The following DENND4C variants were observed in gnomAD, a reference collection of about 807,000 sequenced individuals.
DENND4C encodes the protein DENN domain-containing protein 4C.
A neutral mutation model predicts 203.0 loss-of-function variants in DENND4C; 108 were observed. That is an observed-to-expected ratio of 0.53 (90% CI 0.46 to 0.62). The LOEUF (loss-of-function observed/expected upper bound fraction) is 0.62. Among genes scored for constraint, DENND4C ranks in the 20% least tolerant of loss-of-function variants. The probability of loss-of-function intolerance (pLI) is 0.00; values close to 1 mark genes in which losing one functional copy is unlikely to be tolerated. For missense variants in DENND4C, 2,481 were observed against 2,301.2 expected (o/e 1.08, Z -1.60); for synonymous variants, 871 against 792.4 (o/e 1.10, Z -1.67).
At chr9:19,320,395 AGCCATGTTGGCCAG>A (rs1434478859) in intron 12 of DENND4C, among the ~76,000 whole-genome samples, 2 of 151,998 alleles carry the variant, frequency 1.3e-5, no homozygotes, top group Admixed American at 1.3e-4. Flanking sequence ...GATGAGGTTT[AGCCATGTTGGCCAG>A]ACTGGTCTCG....
chr9:19,323,386 C>T (rs1055172591), intron 12 of DENND4C, among the ~76,000 whole-genome samples: 27 of 148,676 alleles, frequency 1.8e-4, no homozygotes, highest in African/African-American at 6.5e-4. Flanking sequence ...GCCAAGATCA[C>T]ATTACTGCAC....
chr9:19,355,181 ATTACAG>A (rs1171928164), intron 26 of DENND4C, among the ~76,000 whole-genome samples: 1 of 152,114 alleles, frequency 6.6e-6, no homozygotes, highest in Non-Finnish European at 1.5e-5. Context: ...AAGTGCCGGG[ATTACAG>A]GCGTCAGCCA....
Position 19,286,802 on chromosome 9 carries a change from A to G in DENND4C, c.339A>G (p.Pro113=), listed in dbSNP as rs969626991. 4.1e-6 allele frequency: 5 copies of G among 1,232,022 alleles called. No individual in the cohort carries two copies. The African/African-American group carries it at 7.8e-5, about 19-fold the overall frequency. The allele number at this position is 1,232,022 out of a possible 1,614,324, so 76.3% of individuals were successfully genotyped here. A position where few individuals can be genotyped will look rare whatever the true frequency, so the allele number is the denominator to read the frequency against. The change falls in exon 3 of 33, where the codon CCA becomes CCG. Residue 113 remains proline (P), a synonymous_variant. Coordinates refer to ENST00000434457, the MANE Select transcript of DENND4C (RefSeq NM_001330640.2). The part of the protein sequence containing the change: ...VLYEGKERLI[P]GCEVILATPY... ...ATGAAGGGAAAGAACGGCTTATTCC[A>G]GGATGTGAAGTGATCCTAGCCACAC... is the stretch of plus-strand genomic sequence containing the variant.
intron 29 of DENND4C, 42 bp downstream of exon 29, chr9:19,360,531 ATGAGGC>A (rs1437174360): frequency 6.2e-7 from 1 of 1,611,136 alleles, no homozygotes; most frequent in South Asian, 1.1e-5. Flanking sequence ...ATTCAGTAGG[ATGAGGC>A]TTAACTTCAA....
intron 1 of DENND4C, among the ~76,000 whole-genome samples, chr9:19,264,797 A>T (rs748308358): frequency 1.3e-5 from 2 of 148,282 alleles, no homozygotes; most frequent in South Asian, 2.1e-4. Context: ...AATTTGATTT[A>T]TTTCTGCTGT....
chr9:19,329,559 ATATC>A (rs1311069193), intron 16 of DENND4C, among the ~76,000 whole-genome samples: 2 of 152,172 alleles, frequency 1.3e-5, no homozygotes, highest in African/African-American at 4.8e-5. Flanking sequence ...TTTGGGGTAT[ATATC>A]TAGGAGTAAA....
intron 10 of DENND4C, 38 bp from the exon 11 acceptor site, chr9:19,316,379 G>T: frequency 6.5e-7 from 1 of 1,541,374 alleles, no homozygotes; most frequent in South Asian, 1.2e-5. Context: ...AGCAGATTAT[G>T]AATAACACAT....
intron 1 of DENND4C, among the ~76,000 whole-genome samples, chr9:19,273,752 TA>T (rs143247394): frequency 0.044 from 6,714 of 152,026 alleles, 363 homozygotes; most frequent in African/African-American, 0.11. Flanking sequence ...ATGTCTAAAT[TA>T]AAAAGACTGA....
chr9:19,276,000 G>T lies in DENND4C; in HGVS notation c.-17-158G>T, dbSNP rs1017113692. ...ACTTGTACTTTTGCTTTTACCAACT[G>T]ACAAGATGATAAAAGCAGGCTTCTT... On this transcript the variant is annotated intron_variant, in intron 1 of 32. Transcript: ENST00000434457. Among the ~76,000 whole-genome samples the T allele has an allele frequency of 4.6e-4, 70 of 152,156 alleles. 4 individuals are homozygous for T.
Position 19,246,231 on chromosome 9 carries a change from C to T in DENND4C, c.-18+15398C>T, listed in dbSNP as rs372687789. ...ACTTCAACCCCGATTACACTCAGTT[C>T]TTTGTCAACTCTGTAATTCCTTGAA... On this transcript the variant is annotated intron_variant, in intron 1 of 32. Coordinates refer to ENST00000434457, the MANE Select transcript of DENND4C (RefSeq NM_001330640.2). Among the ~76,000 whole-genome samples, 3 of 151,466 alleles carry T rather than the reference C, an allele frequency of 2.0e-5. No individual in the cohort carries two copies. In the South Asian group the frequency reaches 6.2e-4, roughly 31 times the overall value.
At chr9:19,338,726 A>C (rs934765227) in intron 20 of DENND4C, among the ~76,000 whole-genome samples, 4 of 152,196 alleles carry the variant, frequency 2.6e-5, no homozygotes, top group African/African-American at 9.6e-5. Context: ...TGTTCATTTC[A>C]TGGCACCACA....
intron 1 of DENND4C, 102 bp from the exon 2 acceptor site, chr9:19,276,056 C>A: frequency 1.9e-6 from 1 of 529,090 alleles, no homozygotes; most frequent in Non-Finnish European, 2.9e-6. Context: ...ATAAATCTAG[C>A]TGGGAAGTGT....
chr9:19,270,841 ATC>A (rs1350033069), intron 1 of DENND4C, among the ~76,000 whole-genome samples: 2 of 152,256 alleles, frequency 1.3e-5, no homozygotes, highest in Non-Finnish European at 2.9e-5. Context: ...GTCTGATAGA[ATC>A]TACAAAATTG....
At chr9:19,331,706 A>G (rs1283228689) in intron 16 of DENND4C, among the ~76,000 whole-genome samples, 2 of 152,224 alleles carry the variant, frequency 1.3e-5, no homozygotes, top group African/African-American at 4.8e-5. Context: ...TTACAAAAAG[A>G]TGAATGATCT....
intron 13 of DENND4C, 140 bp downstream of exon 13, chr9:19,324,647 G>T: frequency 1.2e-6 from 1 of 828,710 alleles, no homozygotes. Flanking sequence ...TACCGATTCT[G>T]GGCTGAATAT....
At chr9:19,297,114 A>G (rs1226444595) in intron 6 of DENND4C, among the ~76,000 whole-genome samples, 1 of 152,166 alleles carries the variant, frequency 6.6e-6, no homozygotes, top group Non-Finnish European at 1.5e-5. Flanking sequence ...TTTATAATTT[A>G]TGTATCCTGC....
At chr9:19,340,414 T>C (rs1176391028) in intron 20 of DENND4C, among the ~76,000 whole-genome samples, 2 of 152,210 alleles carry the variant, frequency 1.3e-5, no homozygotes, top group Admixed American at 1.3e-4. Flanking sequence ...TGAAATACAG[T>C]TGGCTTCATT....
At chr9:19,300,082 A>G in intron 8 of DENND4C, 105 bp from the exon 9 acceptor site, 1 of 1,160,410 alleles carries the variant, frequency 8.6e-7, no homozygotes, top group African/African-American at 1.6e-5. Context: ...TAAAGACTAG[A>G]AATTAACACT....
rs768532289 is a variant in DENND4C at position 19,335,027 on chromosome 9, T to C, written c.2511T>C (p.Val837=). ...TTTGTGGACTTTGGGGTCATCCTGTTTTAGCAGTGAGAGTCTTATTTGAAA... is the reference window on the plus strand; with the variant it reads ...TTTGTGGACTTTGGGGTCATCCTGTCTTAGCAGTGAGAGTCTTATTTGAAA... ...MQLCGLWGHP[V]LAVRVLFEMK... Residue 837 remains valine, a synonymous_variant, in exon 18 of 33, where the codon GTT becomes GTC. Transcript: ENST00000434457. 4 of 1,613,118 alleles carry C rather than the reference T, an allele frequency of 2.5e-6. No homozygotes were observed. The Admixed American group carries it at 6.7e-5, about 27-fold the overall frequency.
Sources: allele counts gnomAD v4.1 joint callset (sites outside exome capture counted in the v4.1 genomes callset), GRCh38; gene constraint gnomAD v4.1.1; transcripts MANE v1.5; gene names NCBI Gene and HGNC (gene_info 2026-07-23, HGNC 2026-07-21).